Variants in SMOC1 observed in about 807,000 individuals in gnomAD.
SMOC1 encodes the protein SPARC-related modular calcium-binding protein 1.
SMOC1 carries 22 observed loss-of-function variants against 56.3 expected under a neutral mutation model. The observed-to-expected ratio is 0.39, with a 90% CI of 0.28 to 0.56. SMOC1 has a LOEUF of 0.56. SMOC1 is among the 20% of genes least tolerant of loss of function. The probability of loss-of-function intolerance (pLI) is 0.61; values close to 1 mark genes in which losing one functional copy is unlikely to be tolerated. For synonymous variants in SMOC1, 193 were observed against 215.0 expected (o/e 0.90, Z 0.89); for missense variants, 509 against 565.4 (o/e 0.90, Z 1.01).
intron 1 of SMOC1, among the ~76,000 whole-genome samples, chr14:69,925,701 C>T (rs1463095438): frequency 6.6e-6 from 1 of 152,118 alleles, no homozygotes; most frequent in Non-Finnish European, 1.5e-5. Context: ...AAAGACTGAA[C>T]ACTGGAGGAA....
chr14:70,028,194 T>G (rs1010879242), intron 11 of SMOC1, among the ~76,000 whole-genome samples: 5 of 152,236 alleles, frequency 3.3e-5, no homozygotes, highest in Non-Finnish European at 7.3e-5. Flanking sequence ...CTTTCTTCAC[T>G]TTCCCAATTT....
intron 2 of SMOC1, among the ~76,000 whole-genome samples, chr14:69,952,682 A>T (rs1201542588): frequency 1.3e-5 from 2 of 152,228 alleles, no homozygotes; most frequent in Admixed American, 6.5e-5. Flanking sequence ...ACAGCAAAAA[A>T]CATTTGGGAT....
intron 1 of SMOC1, among the ~76,000 whole-genome samples, chr14:69,943,468 G>A (rs1036508779): frequency 2.0e-5 from 3 of 152,158 alleles, no homozygotes; most frequent in Non-Finnish European, 2.9e-5. Flanking sequence ...ATAGTGGGTG[G>A]GTGAGTGATG....
At chr14:69,881,182 G>A (rs1036089796) in intron 1 of SMOC1, among the ~76,000 whole-genome samples, 102 of 152,332 alleles carry the variant, frequency 6.7e-4, no homozygotes, top group African/African-American at 2.4e-3. Context: ...GGATGCAGAT[G>A]AGGATGCCTT....
At chr14:69,907,005 C>G (rs573951467) in intron 1 of SMOC1, among the ~76,000 whole-genome samples, 1 of 152,122 alleles carries the variant, frequency 6.6e-6, no homozygotes, top group Non-Finnish European at 1.5e-5. Flanking sequence ...GAAAAAATTA[C>G]TAGAGGAATG....
chr14:69,994,319 T>C, intron 6 of SMOC1, 81 bp from the exon 7 acceptor site: 1 of 1,096,056 alleles, frequency 9.1e-7, no homozygotes, highest in South Asian at 1.2e-5. Flanking sequence ...GAAAAATGAC[T>C]ATTAAGAAGT....
chr14:69,895,819 T>G (rs549632219), intron 1 of SMOC1, among the ~76,000 whole-genome samples: 2 of 151,254 alleles, frequency 1.3e-5, no homozygotes, highest in East Asian at 3.9e-4. Context: ...GTCCCAATAT[T>G]GCTGATTCCC....
At chr14:69,898,464 G>GT (rs199641037) in intron 1 of SMOC1, among the ~76,000 whole-genome samples, 3,116 of 146,696 alleles carry the variant, frequency 0.021, 55 homozygotes, top group South Asian at 0.11. Context: ...ATTCAATTCT[G>GT]TTTTTTTTTT....
chr14:69,973,170 C>G (rs1441901168), intron 3 of SMOC1, among the ~76,000 whole-genome samples: 1 of 152,234 alleles, frequency 6.6e-6, no homozygotes, highest in African/African-American at 2.4e-5. Flanking sequence ...GGGATCAACT[C>G]CACATTTCCA....
chr14:69,893,004 C>T (rs531610840), intron 1 of SMOC1, among the ~76,000 whole-genome samples: 169 of 152,294 alleles, frequency 1.1e-3, no homozygotes, highest in African/African-American at 3.9e-3. Flanking sequence ...TCCTCTACCT[C>T]TTTTTCACTT....
intron 1 of SMOC1, among the ~76,000 whole-genome samples, chr14:69,893,123 C>T (rs376358281): frequency 2.0e-5 from 3 of 152,216 alleles, no homozygotes; most frequent in East Asian, 3.9e-4. Context: ...TTATATTTCT[C>T]GTAAAATGAT....
At chr14:69,899,646 A>C (rs1884190186) in intron 1 of SMOC1, among the ~76,000 whole-genome samples, 1 of 152,202 alleles carries the variant, frequency 6.6e-6, no homozygotes, top group Admixed American at 6.5e-5. Flanking sequence ...TACAAATGGC[A>C]AGGAGATTTT....
chr14:69,913,521 A>G (rs1042783873), intron 1 of SMOC1, among the ~76,000 whole-genome samples: 1 of 152,148 alleles, frequency 6.6e-6, no homozygotes, highest in South Asian at 2.1e-4. Flanking sequence ...ATACTAAACA[A>G]TATATTCCTT....
At chr14:69,923,487 A>C (rs1257188194) in intron 1 of SMOC1, among the ~76,000 whole-genome samples, 2 of 151,904 alleles carry the variant, frequency 1.3e-5, no homozygotes, top group Non-Finnish European at 2.9e-5. Context: ...ATCTCACTGG[A>C]TTTTTCTTCT....
intron 3 of SMOC1, among the ~76,000 whole-genome samples, chr14:69,968,666 A>G (rs1341314389): frequency 6.6e-6 from 1 of 152,252 alleles, no homozygotes; most frequent in African/African-American, 2.4e-5. Flanking sequence ...AGTAATGGGC[A>G]GGTTAAAAAG....
chr14:70,004,413 T>A (rs1043272288), intron 7 of SMOC1, among the ~76,000 whole-genome samples: 1 of 152,250 alleles, frequency 6.6e-6, no homozygotes, highest in Non-Finnish European at 1.5e-5. Context: ...TGACTTCAGA[T>A]AAAACAGGTT....
intron 5 of SMOC1, among the ~76,000 whole-genome samples, chr14:69,986,797 A>C (rs895931196): frequency 6.6e-6 from 1 of 152,132 alleles, no homozygotes; most frequent in South Asian, 2.1e-4. Context: ...GGCAGCTTTC[A>C]GCTTGTTTTC....
rs2169073 is a variant in SMOC1, at chr14:69,920,957, G to C, written c.100-31181G>C. ...ACTGTAAGATGGGGAACCCTGCTCT[G>C]TGCTCCTTAGTCCTGGATTTCTTAG... On this transcript the variant is annotated intron_variant, in intron 1 of 11. Coordinates refer to ENST00000361956, the MANE Select transcript of SMOC1 (RefSeq NM_001034852.3). 3.8e-3 allele frequency among the ~76,000 whole-genome samples: 585 copies of C among 152,320 alleles called. 3 individuals carry two copies. The highest frequency in any genetic ancestry group is 0.013 in the African/African-American group (552 of 41,562).
At chr14:69,962,421 C>T (rs1883418284) in intron 3 of SMOC1, among the ~76,000 whole-genome samples, 1 of 152,176 alleles carries the variant, frequency 6.6e-6, no homozygotes. Context: ...GCCTTAGCCT[C>T]CCACAGTGCT....
Sources: gnomAD v4.1 joint callset for allele counts (sites outside exome capture counted in the v4.1 genomes callset) on GRCh38, gnomAD v4.1.1 for gene constraint, MANE v1.5 for transcripts, NCBI Gene and HGNC (gene_info 2026-07-23, HGNC 2026-07-21) for gene names.